Variants in NEMP2 observed in about 807,000 individuals in gnomAD.
NEMP2 encodes the protein nuclear envelope integral membrane protein 2, also known as UPF0571 transmembrane protein.
Under a neutral mutation model 54.2 loss-of-function variants are expected in NEMP2, and 53 were observed. That is an observed-to-expected ratio of 0.98 (90% confidence interval 0.78 to 1.23). The LOEUF (loss-of-function observed/expected upper bound fraction) is 1.23, where lower values mean the gene tolerates loss of function less well. Among genes scored for constraint, NEMP2 ranks in the 50% most tolerant of loss-of-function variants. NEMP2 has a pLI of 0.00. For missense variants in NEMP2, 455 were observed against 511.3 expected, an observed-to-expected ratio of 0.89 and a Z score of 1.06; for synonymous variants, 197 against 190.3, an observed-to-expected ratio of 1.04 and a Z score of -0.29.
the NEMP2 span, among the ~76,000 whole-genome samples, chr2:190,426,466 T>A: frequency 2.0e-5 from 3 of 152,318 alleles, no homozygotes; most frequent in African/African-American, 7.2e-5. The surrounding 1 kb of genome is among the most constrained non-coding windows in gnomAD (Gnocchi z 4.7). Context: ...TATCTAAGCA[T>A]TTTTAGGATG....
chr2:190,610,757 ATACTT>A, the NEMP2 span: 1 of 152,252 alleles, frequency 6.6e-6, no homozygotes, highest in Non-Finnish European at 1.5e-5. The surrounding 1 kb of genome is among the most constrained non-coding windows in gnomAD (Gnocchi z 5.4). Context: ...TCATAGGAGT[ATACTT>A]TACTTAATTG....
the NEMP2 span, chr2:190,437,384 T>C: frequency 2.9e-5 from 47 of 1,614,136 alleles, no homozygotes; most frequent in Non-Finnish European, 3.8e-5. The surrounding 1 kb of genome is among the most constrained non-coding windows in gnomAD (Gnocchi z 5.9). Context: ...TCAGTGCTGT[T>C]TGTGGCTTGG....
At chr2:190,491,103 C>CA in the NEMP2 span, among the ~76,000 whole-genome samples, 2 of 152,070 alleles carry the variant, frequency 1.3e-5, no homozygotes, top group South Asian at 2.1e-4. The surrounding 1 kb of genome is among the most constrained non-coding windows in gnomAD (Gnocchi z 4.2). Context: ...CTATTAATCA[C>CA]AAAAAAATTT....
chr2:190,456,982 T>A, the NEMP2 span, among the ~76,000 whole-genome samples: 1 of 152,170 alleles, frequency 6.6e-6, no homozygotes, highest in Admixed American at 6.5e-5. The surrounding 1 kb of genome is among the most constrained non-coding windows in gnomAD (Gnocchi z 5.4). Context: ...TCAACCGTCT[T>A]CTGATGCCAA....
At chr2:190,543,182 A>C in the NEMP2 span, among the ~76,000 whole-genome samples, 1 of 152,194 alleles carries the variant, frequency 6.6e-6, no homozygotes, top group Non-Finnish European at 1.5e-5. This position sits in a 1 kb window ranked among gnomAD's most constrained non-coding sequence, Gnocchi z 4.7. Context: ...CAAATGAGGG[A>C]GGTCCCAAAG....
At chr2:190,596,436 C>A in the NEMP2 span, among the ~76,000 whole-genome samples, 1 of 152,120 alleles carries the variant, frequency 6.6e-6, no homozygotes, top group Non-Finnish European at 1.5e-5. This position sits in a 1 kb window ranked among gnomAD's most constrained non-coding sequence, Gnocchi z 5.1. Flanking sequence ...CCACCACTTA[C>A]ATATTTTAGG....
intron 6 of NEMP2, 87 bp downstream of exon 6, chr2:190,516,183 G>C: frequency 2.3e-6 from 2 of 858,818 alleles, no homozygotes; most frequent in Non-Finnish European, 3.5e-6. Context: ...TTTAGATGTT[G>C]GAGAGAAACA....
the NEMP2 span, among the ~76,000 whole-genome samples, chr2:190,486,768 T>C: frequency 6.6e-6 from 1 of 152,220 alleles, no homozygotes; most frequent in Non-Finnish European, 1.5e-5. Flanking sequence ...GAGTCTCTGA[T>C]GATATTATCT....
At chr2:190,597,574 C>T in the NEMP2 span, among the ~76,000 whole-genome samples, 6 of 152,066 alleles carry the variant, frequency 3.9e-5, no homozygotes, top group Non-Finnish European at 8.8e-5. The surrounding 1 kb of genome is among the most constrained non-coding windows in gnomAD (Gnocchi z 4.7). Context: ...AAAGAATGTC[C>T]GTGTAGCAAT....
At chr2:190,484,979 T>C in the NEMP2 span, among the ~76,000 whole-genome samples, 1 of 152,200 alleles carries the variant, frequency 6.6e-6, no homozygotes, top group African/African-American at 2.4e-5. Flanking sequence ...TTAAAGAATG[T>C]AATTCCCAAT....
chr2:190,497,408 A>G, the NEMP2 span: 2 of 1,600,074 alleles, frequency 1.2e-6, no homozygotes, highest in South Asian at 2.2e-5. The surrounding 1 kb of genome is among the most constrained non-coding windows in gnomAD (Gnocchi z 5.2). Flanking sequence ...AAAATGCTGA[A>G]AAAATAGTTT....
rs1162513860 is a variant in NEMP2, at chr2:190,520,453, G to A, written c.214-1270C>T. 1.3e-5 allele frequency among the ~76,000 whole-genome samples: 2 copies of A among 152,102 alleles called. No individual in the cohort carries two copies. The highest frequency in any genetic ancestry group is 4.8e-5 in the African/African-American group (2 of 41,396). On this transcript the variant is annotated intron_variant, in intron 2 of 8. Coordinates refer to ENST00000409150, the MANE Select transcript of NEMP2 (RefSeq NM_001142645.2). This position sits in a 1 kb window ranked among gnomAD's most constrained non-coding sequence, Gnocchi z 5.4. ...TTCCTCTTCTTTTTCTAAGAGTAGG[G>A]CAACCCTGAAAAGGGGAGTAAGAGC...
the NEMP2 span, chr2:190,477,300 G>T: frequency 1.0e-6 from 1 of 984,630 alleles, no homozygotes; most frequent in African/African-American, 1.7e-5. Context: ...CCCACCTCTG[G>T]TTCCTGTTCT....
chr2:190,457,307 C>T, the NEMP2 span, among the ~76,000 whole-genome samples: 1 of 152,160 alleles, frequency 6.6e-6, no homozygotes, highest in East Asian at 1.9e-4. The surrounding 1 kb of genome is among the most constrained non-coding windows in gnomAD (Gnocchi z 5.1). Flanking sequence ...GAGCTGGATG[C>T]TATGGCTCCT....
the NEMP2 span, among the ~76,000 whole-genome samples, chr2:190,572,028 T>C: frequency 2.0e-5 from 3 of 152,170 alleles, no homozygotes; most frequent in African/African-American, 7.2e-5. Flanking sequence ...ATGATGAAAT[T>C]GCCCAAATTG....
At chr2:190,605,943 A>G in the NEMP2 span, among the ~76,000 whole-genome samples, 1 of 152,174 alleles carries the variant, frequency 6.6e-6, no homozygotes, top group African/African-American at 2.4e-5. Context: ...ATGGGCAAAG[A>G]TCTATATTAT....
chr2:190,647,714 T>TTC, the NEMP2 span, among the ~76,000 whole-genome samples: 1 of 140,740 alleles, frequency 7.1e-6, no homozygotes, highest in South Asian at 2.3e-4. Flanking sequence ...CTTCTTCTTT[T>TTC]TTTTTTTTTT....
At chr2:190,598,823 G>A in the NEMP2 span, among the ~76,000 whole-genome samples, 3 of 152,138 alleles carry the variant, frequency 2.0e-5, no homozygotes, top group African/African-American at 7.2e-5. Context: ...ATAACCTTAT[G>A]ACCAAACCTC....
In NEMP2 at chr2:190,518,748, C is replaced by A; in HGVS notation, c.506G>T (p.Arg169Met). 1 of 1,542,768 alleles carries A rather than the reference C, an allele frequency of 6.5e-7. No individual in the cohort carries two copies. Among genetic ancestry groups the A allele is most frequent in the Non-Finnish European group, 8.7e-7 (1 of 1,144,802 alleles). The change falls in exon 4 of 9, where the codon AGG (arginine) becomes ATG (methionine). Residue 169 changes from arginine to methionine, a missense_variant. Transcript: ENST00000409150. ...AAGGAATACTTACTGACTCAGGGTC[C>A]TTGCATAAAAGAAAAGAAAAACTCC... is the stretch of plus-strand genomic sequence containing the variant. ...VAGVFLFFYA[R>M]TLSQSPTFYY...
Sources: gnomAD v4.1 joint callset for allele counts (sites outside exome capture counted in the v4.1 genomes callset) on GRCh38, gnomAD v4.1.1 for gene constraint, Gnocchi (gnomAD v3.1) non-coding constraint, MANE v1.5 for transcripts, NCBI Gene and HGNC (gene_info 2026-07-23, HGNC 2026-07-21) for gene names.